EHD2: variants seen among roughly 807,000 people sequenced by gnomAD.
EHD2 encodes the protein EH domain containing 2.
EHD2 carries 27 observed loss-of-function variants against 41.0 expected under a neutral mutation model. That is an observed-to-expected ratio of 0.66 (90% CI 0.49 to 0.91). The LOEUF (loss-of-function observed/expected upper bound fraction) is 0.91, where lower values mean the gene tolerates loss of function less well. EHD2 is among the 40% of genes least tolerant of loss of function. EHD2 has a pLI of 0.00. For synonymous variants in EHD2, 342 were observed against 341.0 expected, an observed-to-expected ratio of 1.00 and a Z score of -0.03; for missense variants, 673 against 773.9, an observed-to-expected ratio of 0.87 and a Z score of 1.55.
In EHD2 at chr19:47,741,448, A is replaced by G. The variant is rs775116028; in HGVS notation, c.*16A>G. The G allele has an allele frequency of 3.9e-6, 6 of 1,555,486 alleles. No individual in the cohort carries two copies. In the East Asian group the frequency reaches 9.5e-5, roughly 25 times the overall value. ...CGCCGAGTGAGCCGGCCCCCCTCCC[A>G]TGGCCCTGCTGTGGCTCCCCAGCTC... On this transcript the variant is annotated 3_prime_UTR_variant, in exon 6 of 6. Coordinates refer to ENST00000263277, the MANE Select transcript of EHD2 (RefSeq NM_014601.4). This position sits in a 1 kb window ranked among gnomAD's most constrained non-coding sequence, Gnocchi z 4.5.
At position 47,716,958 on chromosome 19, in the gene EHD2, G is replaced by T; in HGVS notation, c.346G>T (p.Val116Leu). 6.2e-7 allele frequency: 1 copy of T among 1,606,122 alleles called. No individual in the cohort carries two copies. The highest frequency in any genetic ancestry group is 8.5e-7 in the Non-Finnish European group (1 of 1,179,952). The change falls in exon 2 of 6, where the codon GTG (valine) becomes TTG (leucine). Residue 116 changes from valine (V) to leucine (L), a missense_variant. Coordinates refer to ENST00000263277, the MANE Select transcript of EHD2 (RefSeq NM_014601.4). ...CACCGTGCCCGGCAACGCCCTCGTC[G>T]TGGACCCGGACAAGCCCTTCCGCAA... is the stretch of plus-strand genomic sequence containing the variant. ...EGTVPGNALV[V>L]DPDKPFRKLN...
At chr19:47,718,202 G>A (rs1973650857) in intron 2 of EHD2, among the ~76,000 whole-genome samples, 1 of 151,442 alleles carries the variant, frequency 6.6e-6, no homozygotes, top group African/African-American at 2.4e-5. Context: ...GAACTCGGGA[G>A]GCGGAGGTTG....
Position 47,716,591 on chromosome 19 carries a change from C to T in EHD2, c.-22C>T, listed in dbSNP as rs886341237. On this transcript the variant is annotated 5_prime_UTR_variant, in exon 2 of 6. Coordinates refer to ENST00000263277, the MANE Select transcript of EHD2 (RefSeq NM_014601.4). Reference sequence around the variant, plus strand: ...CCATCTGCACGTCTCTCCGTGAACCCCGTGAGCGGTGTGCAGCCACCATGT... The same window carrying T: ...CCATCTGCACGTCTCTCCGTGAACCTCGTGAGCGGTGTGCAGCCACCATGT... The T allele has an allele frequency of 1.3e-6, 2 of 1,486,786 alleles. No individual in the cohort carries two copies. Among genetic ancestry groups the T allele is most frequent in the African/African-American group, 1.4e-5 (1 of 71,814 alleles). 92.1% of individuals were successfully genotyped at this position (1,486,786 alleles called of 1,614,324 possible).
chr19:47,718,557 C>A lies in EHD2; in HGVS notation c.453C>A (p.Ile151=), dbSNP rs1350262135. ...ATCAGGTCCTGGAGAGCATCAGCATCATCGACACCCCGGGTATCCTGTCGG... is the reference window on the plus strand; with the variant it reads ...ATCAGGTCCTGGAGAGCATCAGCATAATCGACACCCCGGGTATCCTGTCGG... ...LPNQVLESIS[I]IDTPGILSGA... Residue 151 remains isoleucine, a synonymous_variant, in exon 3 of 6, where the codon ATC becomes ATA. Coordinates refer to ENST00000263277, the MANE Select transcript of EHD2 (RefSeq NM_014601.4). 1.3e-6 allele frequency: 2 copies of A among 1,587,546 alleles called. No homozygotes were observed. The highest frequency in any genetic ancestry group is 1.7e-6 in the Non-Finnish European group (2 of 1,166,706).
chr19:47,718,487 CT>C lies in EHD2; in HGVS notation c.405-21del, dbSNP rs748057853. ...TCCTTCTGTCCTTCCCTGTTGACCCCTGACCCTCCCTCTGCCCCCAGGTTCA... is the reference window on the plus strand; with the variant it reads ...TCCTTCTGTCCTTCCCTGTTGACCCCGACCCTCCCTCTGCCCCCAGGTTCA... On this transcript the variant is annotated intron_variant, in intron 2 of 5. Coordinates refer to ENST00000263277, the MANE Select transcript of EHD2 (RefSeq NM_014601.4). 27 of 1,557,460 alleles carry C rather than the reference CT, an allele frequency of 1.7e-5. No individual in the cohort carries two copies. The African/African-American group carries it at 2.9e-4, about 16-fold the overall frequency.
intron 3 of EHD2, among the ~76,000 whole-genome samples, chr19:47,722,552 T>A (rs943605501): frequency 6.7e-6 from 1 of 148,338 alleles, no homozygotes; most frequent in Admixed American, 6.8e-5. Flanking sequence ...CTTGAGTAAG[T>A]CCCCTAACTT....
At chr19:47,721,173 GTGTGT>G (rs1568588815) in intron 3 of EHD2, among the ~76,000 whole-genome samples, 5 of 120,628 alleles carry the variant, frequency 4.1e-5, no homozygotes, top group African/African-American at 1.7e-4. Context: ...GGGTGTGTGT[GTGTGT>G]GTGTGTGTGT....
In EHD2 at chr19:47,736,489, C is replaced by T. The variant is rs1966924515; in HGVS notation, c.1036C>T (p.His346Tyr). The T allele has an allele frequency of 6.2e-7, 1 of 1,612,092 alleles. No individual in the cohort carries two copies. The highest frequency in any genetic ancestry group is 8.5e-7 in the Non-Finnish European group (1 of 1,179,184). The change falls in exon 5 of 6, where the codon CAT becomes TAT. Residue 346 changes from histidine (H) to tyrosine (Y), a missense_variant. Coordinates refer to ENST00000263277, the MANE Select transcript of EHD2 (RefSeq NM_014601.4). ...PVIFAKIQLE[H>Y]HISPGDFPDC... The stretch of plus-strand genomic sequence containing the variant: ...CATCTTTGCGAAGATTCAGCTGGAA[C>T]ATCACATCTCCCCTGGGGACTTTCC...
chr19:47,721,212 T>C (rs1470620329), intron 3 of EHD2, among the ~76,000 whole-genome samples: 1 of 152,090 alleles, frequency 6.6e-6, no homozygotes, highest in African/African-American at 2.4e-5. Context: ...AGCTCATGTG[T>C]GTGGCTGCCT....
chr19:47,728,586 T>G (rs1445566691), intron 4 of EHD2, among the ~76,000 whole-genome samples: 1 of 150,124 alleles, frequency 6.7e-6, no homozygotes, highest in Non-Finnish European at 1.5e-5. Flanking sequence ...TTTTTTTTTT[T>G]GAGACAGGGT....
rs76493189 is a variant in EHD2, at chr19:47,714,408, G to A, written c.-56+870G>A. 8.5e-3 allele frequency among the ~76,000 whole-genome samples: 1,291 copies of A among 152,222 alleles called. 8 individuals are homozygous for A. The highest frequency in any genetic ancestry group is 0.013 in the Non-Finnish European group (895 of 68,028). On this transcript the variant is annotated intron_variant, in intron 1 of 5. Transcript: ENST00000263277. Reference sequence around the variant, plus strand: ...GATCAGTAAAATCATAAGCATCAACGGGGAGCAATCGTTTTTGTTTTTCTT... The same window carrying A: ...GATCAGTAAAATCATAAGCATCAACAGGGAGCAATCGTTTTTGTTTTTCTT...
intron 4 of EHD2, among the ~76,000 whole-genome samples, chr19:47,730,211 TC>T (rs1973794322): frequency 6.6e-6 from 1 of 151,236 alleles, no homozygotes; most frequent in Admixed American, 6.6e-5. Context: ...TTCCCCTGCT[TC>T]CTCTCTGGAA....
intron 4 of EHD2, among the ~76,000 whole-genome samples, chr19:47,728,535 CTCTT>C (rs200597336): frequency 1.3e-5 from 2 of 150,484 alleles, no homozygotes; most frequent in Non-Finnish European, 3.0e-5. Context: ...TTCTCTTTCT[CTCTT>C]TCTTTCTCTT....
chr19:47,730,460 C>G (rs907247697), intron 4 of EHD2, among the ~76,000 whole-genome samples: 1 of 152,124 alleles, frequency 6.6e-6, no homozygotes, highest in Non-Finnish European at 1.5e-5. Context: ...CCGCTGTGAC[C>G]AAGGCTCACT....
At chr19:47,728,384 A>C (rs1973773795) in intron 4 of EHD2, among the ~76,000 whole-genome samples, 1 of 151,934 alleles carries the variant, frequency 6.6e-6, no homozygotes, top group Non-Finnish European at 1.5e-5. Flanking sequence ...GACTCTGCTC[A>C]AATGCTCCCT....
At chr19:47,727,418 T>C (rs982814573) in intron 4 of EHD2, among the ~76,000 whole-genome samples, 2 of 152,106 alleles carry the variant, frequency 1.3e-5, no homozygotes, top group Non-Finnish European at 2.9e-5. Context: ...CTGGAATGCT[T>C]TCTGTACACA....
chr19:47,726,468 C>T (rs1973753861), intron 4 of EHD2: 1 of 405,256 alleles, frequency 2.5e-6, no homozygotes, highest in Middle Eastern at 5.5e-4. Context: ...TCTATTTCTT[C>T]TTCCTCTTCC....
At chr19:47,721,404 T>G (rs1249877736) in intron 3 of EHD2, among the ~76,000 whole-genome samples, 1 of 151,816 alleles carries the variant, frequency 6.6e-6, no homozygotes, top group Non-Finnish European at 1.5e-5. Context: ...AACCTCCGCC[T>G]CCTGGGTTCA....
chr19:47,734,859 T>C (rs1966905208), intron 4 of EHD2, among the ~76,000 whole-genome samples: 1 of 151,248 alleles, frequency 6.6e-6, no homozygotes, highest in African/African-American at 2.4e-5. Flanking sequence ...TCGAGACCAG[T>C]CTGGCCAACA....
Sources: gnomAD v4.1 joint callset for allele counts (sites outside exome capture counted in the v4.1 genomes callset) on GRCh38, gnomAD v4.1.1 for gene constraint, Gnocchi (gnomAD v3.1) non-coding constraint, MANE v1.5 for transcripts, NCBI Gene and HGNC (gene_info 2026-07-23, HGNC 2026-07-21) for gene names.